Variants in KCNH5 observed in about 807,000 individuals in gnomAD.
KCNH5 encodes potassium voltage-gated channel subfamily H member 5.
KCNH5 carries 46 observed loss-of-function variants against 96.1 expected under a neutral mutation model. That is an observed-to-expected ratio of 0.48 (90% CI 0.38 to 0.61). The LOEUF (loss-of-function observed/expected upper bound fraction) is 0.61. KCNH5 is among the 20% of genes least tolerant of loss of function. The pLI, the probability that KCNH5 is intolerant of heterozygous loss-of-function variation, is 0.00. For missense variants in KCNH5, 907 were observed against 1,225.8 expected (o/e 0.74, Z 3.88); for synonymous variants, 439 against 449.8 (o/e 0.98, Z 0.30).
At chr14:62,777,330 T>C (rs1257387651) in intron 10 of KCNH5, among the ~76,000 whole-genome samples, 4 of 152,216 alleles carry the variant, frequency 2.6e-5, no homozygotes, top group Non-Finnish European at 1.5e-5. Flanking sequence ...ATTAGGGAAC[T>C]AGCTGTTCCA....
chr14:62,997,963 C>A (rs1413254961), intron 4 of KCNH5, among the ~76,000 whole-genome samples: 1 of 147,616 alleles, frequency 6.8e-6, no homozygotes, highest in Non-Finnish European at 1.5e-5. Context: ...CTTGTAATGT[C>A]TTTTTCTGGT....
intron 6 of KCNH5, among the ~76,000 whole-genome samples, chr14:62,965,740 C>T (rs1019376790): frequency 6.6e-6 from 1 of 152,084 alleles, no homozygotes; most frequent in Non-Finnish European, 1.5e-5. Context: ...AGTGATCAGT[C>T]CTAGTGATAT....
chr14:62,993,569 T>C (rs953033245), intron 4 of KCNH5, among the ~76,000 whole-genome samples: 46 of 152,148 alleles, frequency 3.0e-4, no homozygotes, highest in African/African-American at 1.0e-3. Context: ...TACTTTGAAG[T>C]AGATTCTAAA....
chr14:62,791,021 G>A (rs1304417680), intron 9 of KCNH5, among the ~76,000 whole-genome samples: 1 of 151,638 alleles, frequency 6.6e-6, no homozygotes, highest in Non-Finnish European at 1.5e-5. Context: ...TTGAATAGAA[G>A]TGGTAACAGC....
intron 10 of KCNH5, among the ~76,000 whole-genome samples, chr14:62,730,498 T>C (rs1189558617): frequency 1.3e-5 from 2 of 152,174 alleles, no homozygotes; most frequent in Non-Finnish European, 2.9e-5. Context: ...ATTACTACAA[T>C]CAATAACATA....
chr14:62,733,026 C>T (rs1441169462), intron 10 of KCNH5, among the ~76,000 whole-genome samples: 5 of 151,908 alleles, frequency 3.3e-5, no homozygotes, highest in Admixed American at 2.0e-4. Context: ...CTATAATTAG[C>T]CCATGCATAG....
chr14:62,728,964 T>C (rs1225052052), intron 10 of KCNH5, among the ~76,000 whole-genome samples: 1 of 152,262 alleles, frequency 6.6e-6, no homozygotes, highest in Non-Finnish European at 1.5e-5. Context: ...AAGTCAAGTG[T>C]TCTCGAGACT....
intron 7 of KCNH5, among the ~76,000 whole-genome samples, chr14:62,926,139 G>C (rs1889471618): frequency 6.6e-6 from 1 of 152,066 alleles, no homozygotes; most frequent in Non-Finnish European, 1.5e-5. Flanking sequence ...AGGGGAGATA[G>C]AAAAATAAAT....
At chr14:62,910,694 C>G (rs1481560704) in intron 7 of KCNH5, among the ~76,000 whole-genome samples, 2 of 152,118 alleles carry the variant, frequency 1.3e-5, no homozygotes, top group African/African-American at 4.8e-5. Context: ...GTTTCTCCCT[C>G]TCTCTCACGA....
intron 10 of KCNH5, among the ~76,000 whole-genome samples, chr14:62,733,670 C>T (rs1266460960): frequency 6.6e-6 from 1 of 152,174 alleles, no homozygotes; most frequent in African/African-American, 2.4e-5. Flanking sequence ...TTCATTCCCA[C>T]ATAGACAAAT....
chr14:62,717,512 G>T (rs1291154591), intron 10 of KCNH5, among the ~76,000 whole-genome samples: 1 of 152,150 alleles, frequency 6.6e-6, no homozygotes, highest in African/African-American at 2.4e-5. Context: ...TTTTGACAAG[G>T]TTGTCAAAGC....
chr14:62,707,797 T>C lies in KCNH5; in HGVS notation c.2678A>G (p.Asp893Gly). 6.2e-7 allele frequency: 1 copy of C among 1,614,188 alleles called. No homozygotes were observed. Among genetic ancestry groups the C allele is most frequent in the Non-Finnish European group, 8.5e-7 (1 of 1,180,032 alleles). Reference protein sequence around the residue: ...SPLEHSPIQADAKHPFYPIPE... With the variant: ...SPLEHSPIQAGAKHPFYPIPE... ...GATGGGATAAAAGGGGTGCTTGGCATCAGCCTGGATGGGACTGTGCTCTAG... is the reference window on the plus strand; with the variant it reads ...GATGGGATAAAAGGGGTGCTTGGCACCAGCCTGGATGGGACTGTGCTCTAG... Residue 893 changes from aspartate (D) to glycine (G), a missense_variant, in exon 11 of 11, where the codon GAT becomes GGT. Physicochemically the swap from Asp to Gly is moderately conservative, Grantham distance 94. Coordinates refer to ENST00000322893, the MANE Select transcript of KCNH5 (RefSeq NM_139318.5).
At chr14:62,790,382 G>A (rs1192201198) in intron 9 of KCNH5, among the ~76,000 whole-genome samples, 1 of 151,336 alleles carries the variant, frequency 6.6e-6, no homozygotes, top group Non-Finnish European at 1.5e-5. Flanking sequence ...TGTCTATTTG[G>A]GTTTTTTCTA....
rs926716205 is a variant in KCNH5 at position 62,899,542 on chromosome 14, A to C, written c.1370-49690T>G. Among the ~76,000 whole-genome samples the C allele has an allele frequency of 3.3e-5, 5 of 152,278 alleles. No individual in the cohort carries two copies. In the South Asian group the frequency reaches 1.0e-3, roughly 32 times the overall value. On this transcript the variant is annotated intron_variant, in intron 7 of 10. Transcript: ENST00000322893. ...TACCCCATAAATCTATACAGTAAAA[A>C]AAATTGAGGCCGGGCGCGGTGGCTC...
At chr14:62,981,354 C>T (rs1890604273) in intron 5 of KCNH5, 90 bp from the exon 6 acceptor site, 2 of 1,270,232 alleles carry the variant, frequency 1.6e-6, no homozygotes, top group African/African-American at 1.5e-5. Context: ...AAACCACAGC[C>T]AGTCATGCTC....
In KCNH5 at chr14:62,702,453, T is replaced by C. The variant is rs1405846580; in HGVS notation, c.*5055A>G. 2.0e-5 allele frequency: 3 copies of C among 152,030 alleles called. No homozygotes were observed. The highest frequency in any genetic ancestry group is 4.4e-5 in the Non-Finnish European group (3 of 67,898). 9.4% of individuals were successfully genotyped at this position (152,030 alleles called of 1,614,324 possible). A position where few individuals can be genotyped will look rare whatever the true frequency, so the allele number is the denominator to read the frequency against. ...TGTCAGTATTCTACAAAATAAAGGT[T>C]TCTCCCTAAGGTCTGACTGCCTGTG... On this transcript the variant is annotated 3_prime_UTR_variant, in exon 11 of 11. Transcript: ENST00000322893.
At chr14:62,795,868 AG>A (rs1886530797) in intron 9 of KCNH5, among the ~76,000 whole-genome samples, 1 of 152,152 alleles carries the variant, frequency 6.6e-6, no homozygotes, top group Middle Eastern at 3.2e-3. Context: ...TAGGGCAATA[AG>A]GGAAAAATAA....
At chr14:62,757,518 T>C (rs1261912340) in intron 10 of KCNH5, among the ~76,000 whole-genome samples, 3 of 151,758 alleles carry the variant, frequency 2.0e-5, no homozygotes, top group South Asian at 4.2e-4. Context: ...CTGTTCACAA[T>C]AGCCAAGTTT....
chr14:62,896,298 G>C (rs1426067366), intron 7 of KCNH5, among the ~76,000 whole-genome samples: 1 of 152,178 alleles, frequency 6.6e-6, no homozygotes, highest in Non-Finnish European at 1.5e-5. Flanking sequence ...ACCTATATAT[G>C]TTAACACAGT....
Sources: gnomAD v4.1 joint callset for allele counts (sites outside exome capture counted in the v4.1 genomes callset) on GRCh38, gnomAD v4.1.1 for gene constraint, MANE v1.5 for transcripts, NCBI Gene and HGNC (gene_info 2026-07-23, HGNC 2026-07-21) for gene names.